Variants in SEC24D observed in about 807,000 individuals in gnomAD.
SEC24D encodes the protein SEC24 homolog D, COPII component.
In SEC24D, 69 loss-of-function variants were observed where a neutral mutation model predicts 116.9. That is an observed-to-expected ratio of 0.59 (90% confidence interval 0.49 to 0.72). The LOEUF is 0.72. Among genes scored for constraint, SEC24D ranks in the 30% least tolerant of loss-of-function variants. The pLI is 0.00. For missense variants in SEC24D, 1,131 were observed against 1,264.1 expected, an observed-to-expected ratio of 0.89 and a Z score of 1.60; for synonymous variants, 405 against 442.8, an observed-to-expected ratio of 0.91 and a Z score of 1.07.
chr4:118,750,183 C>T (rs1726753149), intron 13 of SEC24D, among the ~76,000 whole-genome samples: 1 of 152,196 alleles, frequency 6.6e-6, no homozygotes, highest in African/African-American at 2.4e-5. Context: ...CTGATTGCTG[C>T]AGTCGTTGTA....
intron 6 of SEC24D, among the ~76,000 whole-genome samples, chr4:118,808,434 A>C (rs1233157106): frequency 6.6e-6 from 1 of 152,224 alleles, no homozygotes; most frequent in Admixed American, 6.5e-5. Context: ...TAAATTATCC[A>C]TTTGCAATTT....
chr4:118,748,989 A>T (rs2110452481), intron 13 of SEC24D, among the ~76,000 whole-genome samples: 1 of 151,634 alleles, frequency 6.6e-6, no homozygotes, highest in South Asian at 2.1e-4. Context: ...AAGCATAACC[A>T]CTAAAGGCCA....
intron 8 of SEC24D, among the ~76,000 whole-genome samples, chr4:118,784,742 C>T (rs957414415): frequency 7.4e-6 from 1 of 135,434 alleles, no homozygotes; most frequent in Non-Finnish European, 1.7e-5. Flanking sequence ...CTTCCCTGCC[C>T]CCCCCCCCGC....
intron 16 of SEC24D, 60 bp downstream of exon 16, chr4:118,740,877 TATTA>T: frequency 6.3e-7 from 1 of 1,598,700 alleles, no homozygotes. Context: ...GTTGGCCTGT[TATTA>T]ATTTGAAAAA....
chr4:118,773,356 T>C (rs1727995218), intron 8 of SEC24D, among the ~76,000 whole-genome samples: 1 of 152,222 alleles, frequency 6.6e-6, no homozygotes, highest in Non-Finnish European at 1.5e-5. Flanking sequence ...CCTGCCAAAA[T>C]GTTATACAGT....
At chr4:118,744,898 T>G in intron 14 of SEC24D, 46 bp downstream of exon 14, 1 of 1,050,690 alleles carries the variant, frequency 9.5e-7, no homozygotes, top group East Asian at 2.4e-5. Context: ...CCTCTTTAAC[T>G]CCTCTTAATA....
At chr4:118,738,053 T>A in intron 19 of SEC24D, 1 of 485,416 alleles carries the variant, frequency 2.1e-6, no homozygotes, top group Non-Finnish European at 3.7e-6. Flanking sequence ...AATATGCACA[T>A]CCATTTTTTT....
At chr4:118,730,622 A>G (rs1318370020) in intron 21 of SEC24D, 2 of 152,282 alleles carry the variant, frequency 1.3e-5, no homozygotes, top group African/African-American at 4.8e-5. Flanking sequence ...CTCACACAAC[A>G]ATGGTCTACA....
intron 6 of SEC24D, among the ~76,000 whole-genome samples, chr4:118,809,850 G>C (rs181063556): frequency 6.6e-6 from 1 of 152,336 alleles, no homozygotes; most frequent in East Asian, 1.9e-4. Flanking sequence ...ATATGGAGTG[G>C]TATGGATGGG....
At chr4:118,817,111 C>A (rs1337516514) in intron 4 of SEC24D, among the ~76,000 whole-genome samples, 153 bp downstream of exon 4, 2 of 152,168 alleles carry the variant, frequency 1.3e-5, no homozygotes, top group Non-Finnish European at 2.9e-5. Flanking sequence ...TATAGCCATA[C>A]ATAAGATAGA....
At chr4:118,759,515 T>TG (rs1727265553) in intron 10 of SEC24D, among the ~76,000 whole-genome samples, 1 of 152,210 alleles carries the variant, frequency 6.6e-6, no homozygotes, top group Non-Finnish European at 1.5e-5. Flanking sequence ...TGGTTTTCCA[T>TG]GCCACCTTAC....
At chr4:118,797,860 C>A in intron 7 of SEC24D, 50 bp from the exon 8 acceptor site, 1 of 1,441,060 alleles carries the variant, frequency 6.9e-7, no homozygotes, top group South Asian at 1.4e-5. Context: ...AAAAAACCTT[C>A]CCTAAGATAT....
chr4:118,750,618 C>T (rs1482849913), intron 13 of SEC24D, among the ~76,000 whole-genome samples: 3 of 152,066 alleles, frequency 2.0e-5, no homozygotes, highest in African/African-American at 7.2e-5. Flanking sequence ...TTATTGTGTA[C>T]AGGAACATTT....
chr4:118,793,172 T>G (rs1729008625), intron 8 of SEC24D, among the ~76,000 whole-genome samples: 1 of 152,016 alleles, frequency 6.6e-6, no homozygotes, highest in South Asian at 2.1e-4. Flanking sequence ...GAGGAGAATC[T>G]GTCAAGAAGG....
At position 118,831,760 on chromosome 4, in the gene SEC24D, G is replaced by A. The variant is rs80322847; in HGVS notation, c.118+1819C>T. ...GGGAGGCATCTGGGCTGGAGAAATA[G>A]ATCTGAGAGACAAGCACTTTCTGTG... On this transcript the variant is annotated intron_variant, in intron 2 of 22. Coordinates refer to ENST00000280551, the MANE Select transcript of SEC24D (RefSeq NM_014822.4). Among the ~76,000 whole-genome samples the A allele has an allele frequency of 5.6e-3, 855 of 152,198 alleles. 12 individuals are homozygous for A. The highest frequency in any genetic ancestry group is 0.019 in the African/African-American group (782 of 41,506).
intron 7 of SEC24D, among the ~76,000 whole-genome samples, chr4:118,804,280 C>G (rs187270411): frequency 2.9e-4 from 44 of 152,224 alleles, no homozygotes; most frequent in African/African-American, 9.6e-4. Context: ...CTAGTATGTT[C>G]TAGATACCAG....
chr4:118,824,540 TAAAC>T, intron 3 of SEC24D, 76 bp downstream of exon 3: 3 of 1,465,254 alleles, frequency 2.0e-6, no homozygotes, highest in Non-Finnish European at 2.8e-6. Flanking sequence ...TTTCAACCAA[TAAAC>T]ATACAAGCTT....
At chr4:118,762,752 T>C (rs921920444) in intron 10 of SEC24D, among the ~76,000 whole-genome samples, 1 of 152,198 alleles carries the variant, frequency 6.6e-6, no homozygotes, top group Non-Finnish European at 1.5e-5. Context: ...AAAAGGAAGA[T>C]TATGCTTACA....
chr4:118,740,826 A>G lies in SEC24D; in HGVS notation c.2093-18T>C, dbSNP rs771252552. ...TCTGAAACCTAAAGATAAGGGAAAAAGGGAAATTTTGCTTGTCTTTATTCT... is the reference window on the plus strand; with the variant it reads ...TCTGAAACCTAAAGATAAGGGAAAAGGGGAAATTTTGCTTGTCTTTATTCT... On this transcript the variant is annotated intron_variant, in intron 16 of 22. Transcript: ENST00000280551. 1.9e-5 allele frequency: 30 copies of G among 1,612,178 alleles called. No individual in the cohort carries two copies. The highest frequency in any genetic ancestry group is 3.3e-4 in the Middle Eastern group (2 of 6,070).
Sources: allele counts gnomAD v4.1 joint callset (sites outside exome capture counted in the v4.1 genomes callset), GRCh38; gene constraint gnomAD v4.1.1; transcripts MANE v1.5; gene names NCBI Gene and HGNC (gene_info 2026-07-23, HGNC 2026-07-21).